TBX19: variants seen among roughly 807,000 people sequenced by gnomAD.
TBX19 encodes the protein T-box transcription factor TBX19.
Under a neutral mutation model 40.9 loss-of-function variants are expected in TBX19, and 33 were observed. That is an observed-to-expected ratio of 0.81 (90% confidence interval 0.61 to 1.08). The LOEUF (loss-of-function observed/expected upper bound fraction) is 1.08. Ranked by LOEUF, TBX19 falls within the 50% of genes least tolerant of loss-of-function variation. TBX19 has a pLI of 0.00. For missense variants in TBX19, 494 were observed against 574.0 expected, an observed-to-expected ratio of 0.86 and a Z score of 1.42; for synonymous variants, 220 against 225.0, an observed-to-expected ratio of 0.98 and a Z score of 0.20.
chr1:168,290,336 A>T (rs1034694191), intron 1 of TBX19, among the ~76,000 whole-genome samples: 2 of 152,230 alleles, frequency 1.3e-5, no homozygotes, highest in African/African-American at 4.8e-5. Context: ...TGCATGTCTC[A>T]AAGTGTGTTC....
chr1:168,283,574 C>T (rs960386835), intron 1 of TBX19, among the ~76,000 whole-genome samples: 12 of 151,916 alleles, frequency 7.9e-5, no homozygotes, highest in African/African-American at 2.9e-4. Context: ...CTTCTTCCTT[C>T]TCTCTTTTCT....
chr1:168,298,276 G>A (rs1395414722), intron 4 of TBX19, among the ~76,000 whole-genome samples: 2 of 152,070 alleles, frequency 1.3e-5, no homozygotes, highest in African/African-American at 4.8e-5. Context: ...TTATCTATTC[G>A]TTATAATAGG....
At chr1:168,310,666 A>G (rs1471227676) in intron 7 of TBX19, among the ~76,000 whole-genome samples, 1 of 147,096 alleles carries the variant, frequency 6.8e-6, no homozygotes, top group Non-Finnish European at 1.5e-5. Flanking sequence ...TTTTTTATAT[A>G]TATATATAAA....
Position 168,312,959 on chromosome 1 carries a change from C to G in TBX19, c.1304C>G (p.Pro435Arg). Residue 435 changes from proline to arginine, a missense_variant, in exon 8 of 8, where the codon CCA (proline) becomes CGA (arginine). By Grantham distance (103) the Pro-to-Arg change is moderately radical. Transcript: ENST00000367821. ...CATCCCTTCGCGGGCTGGGGTGGCCCAGGAGCGGGTGGGCACCATTCTCCT... is the reference window on the plus strand; with the variant it reads ...CATCCCTTCGCGGGCTGGGGTGGCCGAGGAGCGGGTGGGCACCATTCTCCT... Reference protein sequence around the residue: ...ASHPFAGWGGPGAGGHHSPSS... With the variant: ...ASHPFAGWGGRGAGGHHSPSS... The G allele has an allele frequency of 6.2e-7, 1 of 1,614,228 alleles. No homozygotes were observed. The highest frequency in any genetic ancestry group is 8.5e-7 in the Non-Finnish European group (1 of 1,180,036).
rs949979594 is a variant in TBX19 at position 168,313,339 on chromosome 1, A to G, written c.*337A>G. The G allele has an allele frequency of 2.6e-6, 1 of 390,268 alleles. No individual in the cohort carries two copies. 24.2% of individuals were successfully genotyped at this position (390,268 alleles called of 1,614,324 possible). On this transcript the variant is annotated 3_prime_UTR_variant, in exon 8 of 8. Coordinates refer to ENST00000367821, the MANE Select transcript of TBX19 (RefSeq NM_005149.3). Reference sequence around the variant, plus strand: ...AAGCCTCACTTCCTTTTCTGTGGAGAAGGTGCAAAGCTGTTAAATGAGCTC... The same window carrying G: ...AAGCCTCACTTCCTTTTCTGTGGAGGAGGTGCAAAGCTGTTAAATGAGCTC...
intron 4 of TBX19, 26 bp downstream of exon 4, chr1:168,297,811 C>T (rs1649150849): frequency 6.4e-7 from 1 of 1,570,510 alleles, no homozygotes; most frequent in Admixed American, 1.7e-5. Flanking sequence ...TTAGTGAAAT[C>T]TTCTAATGAA....
chr1:168,289,373 A>G (rs997074727), intron 1 of TBX19, among the ~76,000 whole-genome samples: 13 of 152,234 alleles, frequency 8.5e-5, no homozygotes, highest in Non-Finnish European at 8.8e-5. Context: ...TTGAAGAAAG[A>G]ACAAAAGAAA....
At chr1:168,282,844 C>G (rs1387074436) in intron 1 of TBX19, among the ~76,000 whole-genome samples, 1 of 152,070 alleles carries the variant, frequency 6.6e-6, no homozygotes, top group Non-Finnish European at 1.5e-5. Context: ...TCAAATTGGC[C>G]ATTTATTAAA....
intron 5 of TBX19, among the ~76,000 whole-genome samples, chr1:168,302,705 C>A (rs981976387): frequency 4.0e-4 from 61 of 150,686 alleles, no homozygotes; most frequent in African/African-American, 1.2e-3. Context: ...CAAAAAAAAA[C>A]CCCAAAATGC....
chr1:168,304,289 A>G (rs1649348946), intron 5 of TBX19, among the ~76,000 whole-genome samples: 1 of 152,132 alleles, frequency 6.6e-6, no homozygotes, highest in Non-Finnish European at 1.5e-5. Flanking sequence ...TAGCTAGACA[A>G]TAGGTGCTTG....
chr1:168,299,710 G>A (rs1433127220), intron 4 of TBX19, among the ~76,000 whole-genome samples: 2 of 152,158 alleles, frequency 1.3e-5, no homozygotes, highest in Non-Finnish European at 2.9e-5. Flanking sequence ...CTGGCCTCAA[G>A]TGATCCTCCT....
At chr1:168,288,205 A>G (rs928773924) in intron 1 of TBX19, among the ~76,000 whole-genome samples, 2 of 151,944 alleles carry the variant, frequency 1.3e-5, no homozygotes, top group Non-Finnish European at 2.9e-5. Flanking sequence ...CCTCCCATAT[A>G]CTTAAGTTAT....
rs752195406 is a variant in TBX19 at position 168,305,001 on chromosome 1, A to G, written c.728-7A>G. Reference sequence around the variant, plus strand: ...CAGTCTTGGTGTATTCCTCTTGTCTATTTTAGTGGGAGGCTGGATCTTTTC... The same window carrying G: ...CAGTCTTGGTGTATTCCTCTTGTCTGTTTTAGTGGGAGGCTGGATCTTTTC... On this transcript the variant is annotated splice_region_variant and splice_polypyrimidine_tract_variant and intron_variant, in intron 5 of 7. Coordinates refer to ENST00000367821, the MANE Select transcript of TBX19 (RefSeq NM_005149.3). 1.1e-4 allele frequency: 170 copies of G among 1,613,668 alleles called. No individual in the cohort carries two copies. The highest frequency in any genetic ancestry group is 1.3e-4 in the Non-Finnish European group (156 of 1,180,004).
At chr1:168,293,087 C>T (rs1648987442) in intron 2 of TBX19, 57 bp from the exon 3 acceptor site, 2 of 1,606,630 alleles carry the variant, frequency 1.2e-6, no homozygotes, top group African/African-American at 1.3e-5. Context: ...GCTCCTTTAT[C>T]ACCTGCGATA....
intron 1 of TBX19, among the ~76,000 whole-genome samples, chr1:168,281,578 C>T (rs1648651252): frequency 6.6e-6 from 1 of 152,240 alleles, no homozygotes; most frequent in Non-Finnish European, 1.5e-5. Context: ...GGAAAATGGA[C>T]TTAAATGTCA....
chr1:168,281,087 G>T lies in TBX19; in HGVS notation c.-4G>T, dbSNP rs1162658048. On this transcript the variant is annotated 5_prime_UTR_variant, in exon 1 of 8. Coordinates refer to ENST00000367821, the MANE Select transcript of TBX19 (RefSeq NM_005149.3). ...CGGCTCTCGGCAAAGTTCGAGAAGT[G>T]CCTATGGCCATGAGTGAGCTGGGCA... The T allele has an allele frequency of 3.1e-6, 5 of 1,614,110 alleles. No homozygotes were observed. In the East Asian group the frequency reaches 1.1e-4, roughly 36 times the overall value.
Position 168,312,945 on chromosome 1 carries a change from G to A in TBX19, c.1290G>A (p.Ala430=), listed in dbSNP as rs1379645001. The change falls in exon 8 of 8, where the codon GCG becomes GCA. Residue 430 remains alanine (A), a synonymous_variant. Transcript: ENST00000367821. ...TWTAVASHPF[A]GWGGPGAGGH... ...CAGCAGTGGCCTCGCATCCCTTCGC[G>A]GGCTGGGGTGGCCCAGGAGCGGGTG... 13 of 1,614,130 alleles carry A rather than the reference G, an allele frequency of 8.1e-6. No homozygotes were observed. The highest frequency in any genetic ancestry group is 2.2e-5 in the East Asian group (1 of 44,900).
At chr1:168,308,507 TG>T (rs1419022214) in intron 6 of TBX19, 2 of 537,264 alleles carry the variant, frequency 3.7e-6, no homozygotes, top group Non-Finnish European at 6.7e-6. Flanking sequence ...ATCTATAAGA[TG>T]GAGTTAAGGA....
intron 1 of TBX19, among the ~76,000 whole-genome samples, chr1:168,285,986 G>A (rs1212141250): frequency 6.6e-6 from 1 of 152,166 alleles, no homozygotes; most frequent in East Asian, 1.9e-4. Flanking sequence ...CCTTAGGCAA[G>A]TTGACTGACT....
Sources: gnomAD v4.1 joint callset for allele counts (sites outside exome capture counted in the v4.1 genomes callset) on GRCh38, gnomAD v4.1.1 for gene constraint, MANE v1.5 for transcripts, NCBI Gene and HGNC (gene_info 2026-07-23, HGNC 2026-07-21) for gene names.